AMOT: variants seen among roughly 807,000 people sequenced by gnomAD.
The protein encoded by AMOT is angiomotin.
Under a neutral mutation model 67.0 loss-of-function variants are expected in AMOT, and 11 were observed. The ratio of observed to expected loss-of-function variants is 0.16; its 90% CI spans 0.10 to 0.27. AMOT has a LOEUF of 0.27. Among genes scored for constraint, AMOT ranks in the 10% least tolerant of loss-of-function variants. The probability of loss-of-function intolerance (pLI) is 1.00; values close to 1 mark genes in which losing one functional copy is unlikely to be tolerated. For missense variants in AMOT, 753 were observed against 852.0 expected, an observed-to-expected ratio of 0.88 and a Z score of 1.45; for synonymous variants, 326 against 321.4, an observed-to-expected ratio of 1.01 and a Z score of -0.15.
At chrX:112,782,270 A>G (rs1156508739) in intron 11 of AMOT, among the ~76,000 whole-genome samples, 1 of 112,188 alleles carries the variant, frequency 8.9e-6, no homozygotes, top group Non-Finnish European at 1.9e-5. Flanking sequence ...AATACTCCAG[A>G]GTGCAAATGC....
intron 8 of AMOT, among the ~76,000 whole-genome samples, chrX:112,797,554 G>A (rs1933866500): frequency 8.9e-6 from 1 of 111,816 alleles, no homozygotes; most frequent in South Asian, 3.7e-4. Flanking sequence ...GCTGAGGCGG[G>A]TGGATTACTT....
intron 7 of AMOT, among the ~76,000 whole-genome samples, chrX:112,805,804 C>A (rs1934161485): frequency 8.9e-6 from 1 of 111,914 alleles, no homozygotes; most frequent in Non-Finnish European, 1.9e-5. Context: ...GTAGGATAGG[C>A]TAGGCGTGGA....
At chrX:112,821,692 G>T (rs1301391546) in intron 4 of AMOT, among the ~76,000 whole-genome samples, 3 of 111,614 alleles carry the variant, frequency 2.7e-5, no homozygotes, top group African/African-American at 9.8e-5. Context: ...CAAGCATAAG[G>T]CAAGTAACAT....
chrX:112,838,421 A>G (rs1935185017), intron 1 of AMOT, among the ~76,000 whole-genome samples: 1 of 112,196 alleles, frequency 8.9e-6, no homozygotes, highest in African/African-American at 3.2e-5. Context: ...TGGGAGAGGC[A>G]CAGAAGCAGA....
intron 8 of AMOT, among the ~76,000 whole-genome samples, chrX:112,793,991 A>G (rs1933708323): frequency 8.9e-6 from 1 of 112,129 alleles, no homozygotes; most frequent in Non-Finnish European, 1.9e-5. Flanking sequence ...AGCAATTTAA[A>G]GCTGAATGCA....
intron 1 of AMOT, among the ~76,000 whole-genome samples, chrX:112,836,885 AT>A (rs1227370315): frequency 1.9e-4 from 8 of 42,637 alleles, no homozygotes; most frequent in Non-Finnish European, 4.3e-4. Flanking sequence ...CAAACCCATA[AT>A]TTACAGTGGA....
At chrX:112,786,302 A>C in intron 10 of AMOT, among the ~76,000 whole-genome samples, 1 of 112,390 alleles carries the variant, frequency 8.9e-6, no homozygotes, top group East Asian at 2.8e-4. Flanking sequence ...AATAAACATG[A>C]AACATTACAC....
intron 4 of AMOT, among the ~76,000 whole-genome samples, chrX:112,821,499 T>G (rs1057431971): frequency 8.9e-6 from 1 of 112,027 alleles, no homozygotes; most frequent in Non-Finnish European, 1.9e-5. Context: ...AATTAAGAAG[T>G]ATATATAGGA....
At chrX:112,833,330 T>C (rs1216197636) in intron 1 of AMOT, among the ~76,000 whole-genome samples, 2 of 110,781 alleles carry the variant, frequency 1.8e-5, no homozygotes, top group Non-Finnish European at 3.8e-5. Context: ...GCACTCCTGT[T>C]CTCACCATAA....
Position 112,805,030 on chromosome X carries a change from T to C in AMOT, c.1693A>G (p.Asn565Asp). The change falls in exon 8 of 14, where the codon AAT becomes GAT. Residue 565 changes from asparagine to aspartate, a missense_variant. Transcript: ENST00000371959. ...TCGATGTGTCGTCTTTGGTCCTCAT[T>C]GGTAGAACGGGCAGTGGCCAGCTCC... ...EAELATARST[N>D]EDQRRHIEIR... The C allele has an allele frequency of 5.0e-6, 6 of 1,211,796 alleles. No homozygotes were observed. The highest frequency in any genetic ancestry group is 6.7e-6 in the Non-Finnish European group (6 of 895,478).
Position 112,779,153 on chromosome X carries a change from T to C in AMOT, c.3001A>G (p.Thr1001Ala). The C allele has an allele frequency of 1.0e-6, 1 of 959,203 alleles. No individual in the cohort carries two copies. The highest frequency in any genetic ancestry group is 1.5e-6 in the Non-Finnish European group (1 of 665,400). 79.0% of individuals were successfully genotyped at this position (959,203 alleles called of 1,213,427 possible). ...AAAQASAPAQ[T>A]QAPTSAPAVA... ...GCCGGAGCTGAAGTTGGTGCCTGAG[T>C]CTGAGCAGGAGCAGAAGCCTGAGCC... Residue 1001 changes from threonine to alanine, a missense_variant, in exon 13 of 14, where the codon ACT (threonine) becomes GCT (alanine). By Grantham distance (58) the Thr-to-Ala change is moderately conservative. Around this residue, in one of 5 missense-constraint regions of AMOT, gnomAD observed 269 missense variants for 300.9 expected, o/e 0.89. Transcript: ENST00000371959.
chrX:112,800,649 G>A (rs1243401202), intron 8 of AMOT, among the ~76,000 whole-genome samples: 1 of 112,322 alleles, frequency 8.9e-6, no homozygotes, highest in East Asian at 2.8e-4. Flanking sequence ...GTGGATAGGT[G>A]TCATAGCAGA....
intron 1 of AMOT, among the ~76,000 whole-genome samples, chrX:112,838,395 C>A (rs1454583887): frequency 1.8e-5 from 2 of 111,875 alleles, no homozygotes; most frequent in Admixed American, 1.9e-4. Flanking sequence ...AGGCGCAGGC[C>A]CTGGGAGAGG....
chrX:112,784,197 T>G (rs893834681), intron 10 of AMOT, among the ~76,000 whole-genome samples: 1 of 112,067 alleles, frequency 8.9e-6, no homozygotes, highest in Non-Finnish European at 1.9e-5. Flanking sequence ...GTAGTCCTAC[T>G]GGGTACCCAA....
At position 112,830,731 on chromosome X, in the gene AMOT, A is replaced by G. The variant is rs780296588; in HGVS notation, c.-212+1563T>C. Among the ~76,000 whole-genome samples, 4 of 112,006 alleles carry G rather than the reference A, an allele frequency of 3.6e-5. No individual in the cohort carries two copies. In the South Asian group the frequency reaches 1.5e-3, roughly 42 times the overall value. ...GGGCTCCCCTGTGAATCCAGCTTGC[A>G]TGCACTTGCCCCAAATTGCCACCCA... is the stretch of plus-strand genomic sequence containing the variant. On this transcript the variant is annotated intron_variant, in intron 2 of 13. Coordinates refer to ENST00000371959, the MANE Select transcript of AMOT (RefSeq NM_001113490.2).
chrX:112,831,486 A>C (rs1602842172), intron 2 of AMOT, among the ~76,000 whole-genome samples: 1 of 104,356 alleles, frequency 9.6e-6, no homozygotes, highest in Admixed American at 1.0e-4. Context: ...TAAATAAATA[A>C]ATAAAAAGAG....
At chrX:112,812,899 G>A (rs1472038068) in intron 5 of AMOT, among the ~76,000 whole-genome samples, 4 of 112,578 alleles carry the variant, frequency 3.6e-5, no homozygotes, top group African/African-American at 1.3e-4. Context: ...ACAGAAAAGA[G>A]CAGACTCAAA....
chrX:112,809,234 G>T (rs1482157497), intron 7 of AMOT, among the ~76,000 whole-genome samples: 1 of 111,993 alleles, frequency 8.9e-6, no homozygotes, highest in Non-Finnish European at 1.9e-5. Context: ...GTTTTATTAA[G>T]GCAATTGGAA....
At chrX:112,790,937 C>T (rs916986584) in intron 9 of AMOT, among the ~76,000 whole-genome samples, 155 bp from the exon 10 acceptor site, 6 of 111,574 alleles carry the variant, frequency 5.4e-5, no homozygotes, top group Non-Finnish European at 9.4e-5. Flanking sequence ...CCCAGGGCCA[C>T]AGGACTTCCT....
Sources: allele counts gnomAD v4.1 joint callset (sites outside exome capture counted in the v4.1 genomes callset), GRCh38; gene constraint gnomAD v4.1.1; regional missense constraint gnomAD v4.1.1; transcripts MANE v1.5; gene names NCBI Gene and HGNC (gene_info 2026-07-23, HGNC 2026-07-21).